Variants in COL3A1 observed in about 807,000 individuals in gnomAD.
COL3A1 encodes collagen type III alpha 1 chain.
A neutral mutation model predicts 200.9 loss-of-function variants in COL3A1; 46 were observed. The ratio of observed to expected loss-of-function variants is 0.23; its 90% CI spans 0.18 to 0.29. COL3A1 has a LOEUF of 0.29. Ranked by LOEUF, COL3A1 falls within the 10% of genes least tolerant of loss-of-function variation. The pLI is 1.00. For missense variants in COL3A1, 1,367 were observed against 1,917.6 expected, an observed-to-expected ratio of 0.71 and a Z score of 5.36; for synonymous variants, 650 against 628.0, an observed-to-expected ratio of 1.03 and a Z score of -0.52.
chr2:189,011,578 T>C, intron 50 of COL3A1, 50 bp from the exon 51 acceptor site: 1 of 1,610,718 alleles, frequency 6.2e-7, no homozygotes, highest in Non-Finnish European at 8.5e-7. Context: ...GTCAGAGTTG[T>C]CTAAGTAATT....
At chr2:189,006,027 C>G (rs1374510499) in intron 41 of COL3A1, among the ~76,000 whole-genome samples, 179 bp from the exon 42 acceptor site, 2 of 152,090 alleles carry the variant, frequency 1.3e-5, no homozygotes, top group Non-Finnish European at 2.9e-5. Context: ...CACTAACTAT[C>G]TGTCTGGACA....
chr2:188,995,192 T>TGAA, intron 21 of COL3A1, 93 bp downstream of exon 21: 1 of 1,207,170 alleles, frequency 8.3e-7, no homozygotes. Flanking sequence ...CCTAAATATC[T>TGAA]GAAGAATATA....
chr2:188,988,169 T>A lies in COL3A1; in HGVS notation c.582+35T>A, dbSNP rs760868394. ...GCCATTGGTGGTGTTTTCTTCCTCA[T>A]TTTTAGAAAAATCAAATTAATATAT... On this transcript the variant is annotated intron_variant, in intron 6 of 50. Coordinates refer to ENST00000304636, the MANE Select transcript of COL3A1 (RefSeq NM_000090.4). 7 of 1,568,974 alleles carry A rather than the reference T, an allele frequency of 4.5e-6. No homozygotes were observed. In the East Asian group the frequency reaches 1.6e-4, roughly 35 times the overall value.
chr2:188,985,108 T>G, intron 2 of COL3A1, 89 bp from the exon 3 acceptor site: 13 of 1,459,730 alleles, frequency 8.9e-6, no homozygotes, highest in Non-Finnish European at 1.2e-5. Context: ...ACCGTTTCAA[T>G]TTAAAGATAA....
chr2:188,994,552 T>C lies in COL3A1; in HGVS notation c.1305T>C (p.Gly435=), dbSNP rs766373701. 6.2e-7 allele frequency: 1 copy of C among 1,614,158 alleles called. No homozygotes were observed. The highest frequency in any genetic ancestry group is 1.1e-5 in the South Asian group (1 of 91,086). ...PGLRGGAGEP[G]KNGAKGEPGP... ...TTGTTATACTTTAGGGTGAGCCTGG[T>C]AAGAATGGTGCCAAAGGAGAGCCCG... is the stretch of plus-strand genomic sequence containing the variant. Residue 435 remains glycine (G), a synonymous_variant, in exon 19 of 51, where the codon GGT becomes GGC. Transcript: ENST00000304636. The surrounding 1 kb of genome is among the most constrained non-coding windows in gnomAD (Gnocchi z 4.5).
In COL3A1 at chr2:188,994,077, G is replaced by A. The variant is rs187907868; in HGVS notation, c.1189G>A (p.Glu397Lys). The A allele has an allele frequency of 2.5e-6, 4 of 1,614,122 alleles. No individual in the cohort carries two copies. Among genetic ancestry groups the A allele is most frequent in the African/African-American group, 1.3e-5 (1 of 75,028 alleles). The change falls in exon 17 of 51, where the codon GAA (glutamate) becomes AAA (lysine). Residue 397 changes from glutamate to lysine, a missense_variant. Coordinates refer to ENST00000304636, the MANE Select transcript of COL3A1 (RefSeq NM_000090.4). The surrounding 1 kb of genome is among the most constrained non-coding windows in gnomAD (Gnocchi z 4.5). ...TAATGGTAGTCCTGGTGGTAAAGGC[G>A]AAATGGTAAGCTGTCCCCACTCCTC... is the stretch of plus-strand genomic sequence containing the variant. ...GINGSPGGKG[E>K]MGPAGIPGAP...
At position 189,004,049 on chromosome 2, in the gene COL3A1, A is replaced by G; in HGVS notation, c.2729A>G (p.Asn910Ser). 6.2e-7 allele frequency: 1 copy of G among 1,613,238 alleles called. No individual in the cohort carries two copies. The highest frequency in any genetic ancestry group is 1.3e-5 in the African/African-American group (1 of 75,020). ...GKDGPPGPAGNTGAPGSPGVS... is the reference protein window; with the variant it reads ...GKDGPPGPAGSTGAPGSPGVS... ...GATGGGCCCCCAGGTCCTGCGGGTAACACTGGTGCTCCTGGCAGCCCTGGA... is the reference window on the plus strand; with the variant it reads ...GATGGGCCCCCAGGTCCTGCGGGTAGCACTGGTGCTCCTGGCAGCCCTGGA... Residue 910 changes from asparagine to serine, a missense_variant, in exon 39 of 51, where the codon AAC (asparagine) becomes AGC (serine). By Grantham distance (46) the Asn-to-Ser change is conservative. Around this residue, in one of 5 missense-constraint regions of COL3A1, gnomAD observed 846 missense variants for 1,147.9 expected, o/e 0.74. Coordinates refer to ENST00000304636, the MANE Select transcript of COL3A1 (RefSeq NM_000090.4).
chr2:188,991,464 T>C (rs1203147789), intron 11 of COL3A1, 23 bp from the exon 12 acceptor site: 2 of 1,510,318 alleles, frequency 1.3e-6, no homozygotes, highest in Non-Finnish European at 1.8e-6. Context: ...TGTAAAATAG[T>C]AACATATTTT....
In COL3A1 at chr2:188,985,188, A is replaced by G; in HGVS notation, c.283-9A>G. The G allele has an allele frequency of 6.2e-7, 1 of 1,612,044 alleles. No homozygotes were observed. Among genetic ancestry groups the G allele is most frequent in the South Asian group, 1.1e-5 (1 of 91,032 alleles). On this transcript the variant is annotated splice_polypyrimidine_tract_variant and intron_variant, in intron 2 of 50. Transcript: ENST00000304636. The stretch of plus-strand genomic sequence containing the variant: ...GTCTTGTTTAACTTGTTTCTTTTCC[A>G]TTTATTAGCCTACTCGCCCTCCTAA...
At chr2:189,002,451 TTAG>T in intron 35 of COL3A1, 100 bp downstream of exon 35, 1 of 1,016,034 alleles carries the variant, frequency 9.8e-7, no homozygotes, top group South Asian at 1.3e-5. Context: ...TAGTCTCATT[TTAG>T]CTGCTCATTC....
chr2:188,983,565 A>T (rs564949298), intron 1 of COL3A1, among the ~76,000 whole-genome samples: 17 of 152,096 alleles, frequency 1.1e-4, no homozygotes, highest in Admixed American at 1.0e-3. Flanking sequence ...TTGTGGCTGC[A>T]TGTAGTGCCC....
At chr2:188,976,652 G>A (rs1006960248) in intron 1 of COL3A1, among the ~76,000 whole-genome samples, 1 of 152,024 alleles carries the variant, frequency 6.6e-6, no homozygotes, top group East Asian at 1.9e-4. Flanking sequence ...CTTCAGAGAC[G>A]GCACAGCTCT....
rs2153502459 is a variant in COL3A1, at chr2:188,994,902, G to A, written c.1455+71G>A. 2.5e-6 allele frequency: 4 copies of A among 1,575,710 alleles called. No individual in the cohort carries two copies. The highest frequency in any genetic ancestry group is 3.5e-6 in the Non-Finnish European group (4 of 1,146,222). On this transcript the variant is annotated intron_variant, in intron 20 of 50. Coordinates refer to ENST00000304636, the MANE Select transcript of COL3A1 (RefSeq NM_000090.4). This position sits in a 1 kb window ranked among gnomAD's most constrained non-coding sequence, Gnocchi z 4.5. ...ATCTAAATAAAACTACCTTCAGGGT[G>A]AGACAGCCAATTTTTCTTAAGTTGA...
intron 5 of COL3A1, 30 bp from the exon 6 acceptor site, chr2:188,988,050 AT>A: frequency 1.3e-6 from 2 of 1,553,722 alleles, no homozygotes; most frequent in Non-Finnish European, 1.8e-6. Context: ...GCATTCATTT[AT>A]TTTGTTTTTC....
Position 188,993,456 on chromosome 2 carries a change from T to G in COL3A1, c.1146T>G (p.Pro382=). The part of the protein sequence containing the change: ...GPQGHAGAQG[P]PGPPGINGSP... The stretch of plus-strand genomic sequence containing the variant: ...AGGGACACGCTGGTGCTCAAGGTCC[T>G]CCTGTAAGTATCATAGTTGAGAGGG... The change falls in exon 16 of 51, where the codon CCT becomes CCG. Residue 382 remains proline (P), a synonymous_variant. Coordinates refer to ENST00000304636, the MANE Select transcript of COL3A1 (RefSeq NM_000090.4). 1 of 1,551,922 alleles carries G rather than the reference T, an allele frequency of 6.4e-7. No homozygotes were observed. The highest frequency in any genetic ancestry group is 8.7e-7 in the Non-Finnish European group (1 of 1,146,970).
At position 188,998,678 on chromosome 2, in the gene COL3A1, C is replaced by A. The variant is rs1304750957; in HGVS notation, c.1982C>A (p.Pro661Gln). Residue 661 changes from proline (P) to glutamine (Q), a missense_variant, in exon 29 of 51, where the codon CCA becomes CAA. Physicochemically the swap from Pro to Gln is moderately conservative, Grantham distance 76. This residue lies in a region of COL3A1 where 846 missense variants were observed against 1,147.9 expected (regional missense o/e 0.74). Transcript: ENST00000304636. The stretch of plus-strand genomic sequence containing the variant: ...CATATAATGCCAATCTCCCAGGGTC[C>A]AAAGGGTGATGCCGGTGCACCTGGA... ...GENGKPGEPGPKGDAGAPGAP... is the reference protein window; with the variant it reads ...GENGKPGEPGQKGDAGAPGAP... 1 of 1,613,702 alleles carries A rather than the reference C, an allele frequency of 6.2e-7. No individual in the cohort carries two copies. The highest frequency in any genetic ancestry group is 8.5e-7 in the Non-Finnish European group (1 of 1,179,870).
rs778619883 is a variant in COL3A1 at position 189,006,202 on chromosome 2, T to C, written c.3040-4T>C. Reference sequence around the variant, plus strand: ...TTTTATTTCCTTTCTCATTTTTTAATCAGGGAAACCCTGGATCAGATGGTC... The same window carrying C: ...TTTTATTTCCTTTCTCATTTTTTAACCAGGGAAACCCTGGATCAGATGGTC... On this transcript the variant is annotated splice_polypyrimidine_tract_variant and splice_region_variant and intron_variant, in intron 41 of 50. Coordinates refer to ENST00000304636, the MANE Select transcript of COL3A1 (RefSeq NM_000090.4). 2 of 1,614,200 alleles carry C rather than the reference T, an allele frequency of 1.2e-6. No homozygotes were observed.
At position 188,997,723 on chromosome 2, in the gene COL3A1, C is replaced by T. The variant is rs1171472504; in HGVS notation, c.1893C>T (p.Asp631=). The T allele has an allele frequency of 1.9e-6, 3 of 1,613,750 alleles. No homozygotes were observed. The African/African-American group carries it at 4.0e-5, about 22-fold the overall frequency. ...GPTGPGGDKG[D]TGPPGPQGLQ... Reference sequence around the variant, plus strand: ...AGGGGCCTGGTGGTGACAAAGGAGACACAGGACCCCCTGGTCCACAAGGAT... The same window carrying T: ...AGGGGCCTGGTGGTGACAAAGGAGATACAGGACCCCCTGGTCCACAAGGAT... Residue 631 remains aspartate (D), a synonymous_variant, in exon 27 of 51, where the codon GAC becomes GAT. Transcript: ENST00000304636.
At chr2:188,974,626 A>G in intron 1 of COL3A1, 58 bp downstream of exon 1, 1 of 1,386,432 alleles carries the variant, frequency 7.2e-7, no homozygotes, top group Non-Finnish European at 1.0e-6. Context: ...TTCTCCTCAC[A>G]AAGAGGGGTG....
Sources: gnomAD v4.1 joint callset for allele counts (sites outside exome capture counted in the v4.1 genomes callset) on GRCh38, gnomAD v4.1.1 for gene constraint, gnomAD v4.1.1 regional missense constraint, Gnocchi (gnomAD v3.1) non-coding constraint, MANE v1.5 for transcripts, NCBI Gene and HGNC (gene_info 2026-07-23, HGNC 2026-07-21) for gene names.